The following IL1RAPL1 variants were observed in gnomAD, a reference collection of about 807,000 sequenced individuals.
The protein encoded by IL1RAPL1 is interleukin 1 receptor accessory protein like 1.
A neutral mutation model predicts 48.4 loss-of-function variants in IL1RAPL1; 3 were observed. The observed-to-expected ratio is 0.06, with a 90% confidence interval of 0.03 to 0.16. The LOEUF is 0.16. Among genes scored for constraint, IL1RAPL1 ranks in the 10% least tolerant of loss-of-function variants. The pLI is 1.00. For missense variants in IL1RAPL1, 349 were observed against 530.6 expected (o/e 0.66, Z 3.36); for synonymous variants, 185 against 187.7 (o/e 0.99, Z 0.12).
intron 5 of IL1RAPL1, among the ~76,000 whole-genome samples, chrX:29,503,541 G>T (rs1029135359): frequency 5.9e-4 from 66 of 111,872 alleles, no homozygotes; most frequent in African/African-American, 2.1e-3. Context: ...AGATTTTGGT[G>T]TTGTATTTCT....
intron 2 of IL1RAPL1, among the ~76,000 whole-genome samples, chrX:29,021,536 T>C (rs1258217631): frequency 1.8e-5 from 2 of 111,824 alleles, no homozygotes; most frequent in African/African-American, 6.5e-5. Flanking sequence ...ATAAAAGATA[T>C]GCATATGGAT....
At chrX:29,189,665 C>G (rs1055414467) in intron 2 of IL1RAPL1, among the ~76,000 whole-genome samples, 1 of 110,723 alleles carries the variant, frequency 9.0e-6, no homozygotes, top group East Asian at 2.8e-4. Flanking sequence ...ATTTTCCTAC[C>G]CAACTTTTTC....
chrX:28,658,059 ACT>A (rs1485619591), intron 1 of IL1RAPL1, among the ~76,000 whole-genome samples: 135 of 111,092 alleles, frequency 1.2e-3, no homozygotes, highest in African/African-American at 3.6e-3. Context: ...CTTTTGCAAG[ACT>A]CTCTGGGTTC....
intron 2 of IL1RAPL1, among the ~76,000 whole-genome samples, chrX:28,825,966 A>G (rs1376139326): frequency 1.8e-5 from 2 of 111,443 alleles, no homozygotes; most frequent in Non-Finnish European, 3.8e-5. Flanking sequence ...CACTGATACT[A>G]TTTCATCATT....
chrX:28,675,445 C>G (rs1251576654), intron 1 of IL1RAPL1, among the ~76,000 whole-genome samples: 3 of 111,525 alleles, frequency 2.7e-5, no homozygotes, highest in Non-Finnish European at 5.6e-5. Context: ...GTTTGCCAAG[C>G]CCCAGTGTGC....
intron 1 of IL1RAPL1, among the ~76,000 whole-genome samples, chrX:28,680,240 T>C (rs937245571): frequency 8.9e-6 from 1 of 111,840 alleles, no homozygotes; most frequent in Non-Finnish European, 1.9e-5. Flanking sequence ...AGGATTTTTT[T>C]CCTTGATTTC....
intron 2 of IL1RAPL1, among the ~76,000 whole-genome samples, chrX:29,136,263 G>T (rs998609343): frequency 6.4e-5 from 7 of 108,575 alleles, no homozygotes; most frequent in Non-Finnish European, 1.1e-4. Context: ...CAGTAGCTGG[G>T]ATTATAGGCA....
At chrX:29,770,434 T>G (rs1383181435) in intron 6 of IL1RAPL1, among the ~76,000 whole-genome samples, 1 of 108,494 alleles carries the variant, frequency 9.2e-6, no homozygotes, top group Non-Finnish European at 1.9e-5. Context: ...AAACCTGACA[T>G]GAGACTCATT....
intron 5 of IL1RAPL1, among the ~76,000 whole-genome samples, chrX:29,540,466 A>G (rs1354048729): frequency 2.7e-5 from 3 of 111,954 alleles, no homozygotes; most frequent in African/African-American, 9.7e-5. Context: ...AACAGCCTGA[A>G]TAGTTAAAGC....
intron 6 of IL1RAPL1, among the ~76,000 whole-genome samples, chrX:29,910,799 A>ATGTT (rs1322188036): frequency 9.0e-6 from 1 of 111,248 alleles, no homozygotes; most frequent in African/African-American, 3.3e-5. Flanking sequence ...TTTAATATGA[A>ATGTT]TGTTAGGGAC....
intron 3 of IL1RAPL1, among the ~76,000 whole-genome samples, chrX:29,318,704 G>A (rs1932779296): frequency 8.9e-6 from 1 of 112,459 alleles, no homozygotes; most frequent in South Asian, 3.6e-4. Context: ...GTACATGTTG[G>A]AAATGTCATT....
intron 7 of IL1RAPL1, 31 bp downstream of exon 7, chrX:29,917,627 C>T: frequency 8.8e-7 from 1 of 1,142,374 alleles, no homozygotes; most frequent in Non-Finnish European, 1.2e-6. Flanking sequence ...CCTGTATAGT[C>T]AAGATTAACA....
intron 3 of IL1RAPL1, among the ~76,000 whole-genome samples, chrX:29,392,614 C>T (rs1188371701): frequency 8.9e-6 from 1 of 112,171 alleles, no homozygotes; most frequent in Admixed American, 9.4e-5. Context: ...GAGTTCCAGA[C>T]ATTACCAGAC....
chrX:29,639,545 GTTTT>G (rs10719537), intron 5 of IL1RAPL1, among the ~76,000 whole-genome samples: 23 of 76,640 alleles, frequency 3.0e-4, no homozygotes, highest in East Asian at 1.6e-3. Context: ...ATAATTAAAA[GTTTT>G]TTTTTTTTTT....
chrX:28,746,008 T>C (rs1935972441), intron 1 of IL1RAPL1, among the ~76,000 whole-genome samples: 1 of 111,811 alleles, frequency 8.9e-6, no homozygotes, highest in South Asian at 3.7e-4. Context: ...TATCAAAGCT[T>C]ATAAAATCAA....
intron 3 of IL1RAPL1, among the ~76,000 whole-genome samples, chrX:29,283,567 T>C (rs1194350988): frequency 8.9e-6 from 1 of 112,444 alleles, no homozygotes; most frequent in African/African-American, 3.2e-5. Context: ...AGTTGTAACA[T>C]TTTGCTATTG....
intron 1 of IL1RAPL1, among the ~76,000 whole-genome samples, chrX:28,738,322 C>T (rs1205137684): frequency 8.9e-6 from 1 of 111,988 alleles, no homozygotes; most frequent in Non-Finnish European, 1.9e-5. Context: ...CAAATATTTA[C>T]TAAATGCTTA....
chrX:29,399,545 G>C (rs770269650), intron 5 of IL1RAPL1, among the ~76,000 whole-genome samples: 1 of 111,701 alleles, frequency 9.0e-6, no homozygotes, highest in Non-Finnish European at 1.9e-5. Flanking sequence ...TTTGGGCCGG[G>C]CACCGTGGCT....
intron 2 of IL1RAPL1, among the ~76,000 whole-genome samples, chrX:28,956,198 C>T (rs1226539931): frequency 1.9e-4 from 21 of 108,178 alleles, no homozygotes; most frequent in African/African-American, 6.4e-4. Flanking sequence ...ACAATCATGT[C>T]ATCTGCAAAG....
Sources: gnomAD v4.1 joint callset for allele counts (sites outside exome capture counted in the v4.1 genomes callset) on GRCh38, gnomAD v4.1.1 for gene constraint, MANE v1.5 for transcripts, NCBI Gene and HGNC (gene_info 2026-07-23, HGNC 2026-07-21) for gene names.